The following DPYSL5 variants were observed in gnomAD, a reference collection of about 807,000 sequenced individuals.
The protein encoded by DPYSL5 is dihydropyrimidinase-related protein 5.
Under a neutral mutation model 58.4 loss-of-function variants are expected in DPYSL5, and 9 were observed. The ratio of observed to expected loss-of-function variants is 0.15; its 90% CI spans 0.09 to 0.27. The LOEUF (loss-of-function observed/expected upper bound fraction) is 0.27, where lower values mean the gene tolerates loss of function less well. Ranked by LOEUF, DPYSL5 falls within the 10% of genes least tolerant of loss-of-function variation. The probability of loss-of-function intolerance (pLI) is 1.00; values close to 1 mark genes in which losing one functional copy is unlikely to be tolerated. For missense variants in DPYSL5, 499 were observed against 770.6 expected, an observed-to-expected ratio of 0.65 and a Z score of 4.17; for synonymous variants, 293 against 301.9, an observed-to-expected ratio of 0.97 and a Z score of 0.31.
intron 2 of DPYSL5, among the ~76,000 whole-genome samples, chr2:26,913,855 C>T (rs778852951): frequency 1.1e-4 from 17 of 151,264 alleles, no homozygotes; most frequent in Admixed American, 1.1e-3. Flanking sequence ...GAAATGTCTT[C>T]AGCATGGAAA....
rs1345932267 is a variant in DPYSL5, at chr2:26,942,458, G to A, written c.1233-85G>A. 6.8e-7 allele frequency: 1 copy of A among 1,460,606 alleles called. No homozygotes were observed. Among genetic ancestry groups the A allele is most frequent in the African/African-American group, 1.4e-5 (1 of 71,446 alleles). The allele number at this position is 1,460,606 out of a possible 1,614,324, so 90.5% of individuals were successfully genotyped here. A position where few individuals can be genotyped will look rare whatever the true frequency, so the allele number is the denominator to read the frequency against. ...GAGCCAATTCAACCCATAACAACCA[G>A]CCTTTGGGGCTCACCCCTCCCATGG... On this transcript the variant is annotated intron_variant, in intron 10 of 12. Transcript: ENST00000288699. The surrounding 1 kb of genome is among the most constrained non-coding windows in gnomAD (Gnocchi z 5.9).
At chr2:26,919,547 A>C (rs904195856) in intron 2 of DPYSL5, among the ~76,000 whole-genome samples, 1 of 152,250 alleles carries the variant, frequency 6.6e-6, no homozygotes, top group Non-Finnish European at 1.5e-5. Context: ...CTGTTAATTT[A>C]ATAGTGAGAG....
At chr2:26,868,364 TG>T (rs1663165816) in intron 1 of DPYSL5, among the ~76,000 whole-genome samples, 1 of 152,216 alleles carries the variant, frequency 6.6e-6, no homozygotes, top group Non-Finnish European at 1.5e-5. Context: ...TGTCTTTGTG[TG>T]TGTGTGTGGC....
chr2:26,885,675 GAC>G (rs1377242768), intron 1 of DPYSL5, among the ~76,000 whole-genome samples: 1 of 152,192 alleles, frequency 6.6e-6, no homozygotes, highest in African/African-American at 2.4e-5. Context: ...ATTAGACAGA[GAC>G]TCTCTCTAGC....
chr2:26,887,905 G>C (rs1034033886), intron 1 of DPYSL5, among the ~76,000 whole-genome samples: 2 of 152,204 alleles, frequency 1.3e-5, no homozygotes, highest in African/African-American at 4.8e-5. Flanking sequence ...TCTTGGAGGA[G>C]ACAAGCTGTG....
Position 26,944,907 on chromosome 2 carries a change from C to A in DPYSL5, c.1609+83C>A. 1 of 1,359,818 alleles carries A rather than the reference C, an allele frequency of 7.4e-7. No individual in the cohort carries two copies. Among genetic ancestry groups the A allele is most frequent in the East Asian group, 2.3e-5 (1 of 43,482 alleles). 84.2% of individuals were successfully genotyped at this position (1,359,818 alleles called of 1,614,324 possible). A position where few individuals can be genotyped will look rare whatever the true frequency, so the allele number is the denominator to read the frequency against. ...GGCAGTGGGACTTACGCCTGCTTTT[C>A]TTTTGTGTCCTCTCCTCCCTCCCGT... On this transcript the variant is annotated intron_variant, in intron 12 of 12. Coordinates refer to ENST00000288699, the MANE Select transcript of DPYSL5 (RefSeq NM_020134.4). This position sits in a 1 kb window ranked among gnomAD's most constrained non-coding sequence, Gnocchi z 4.4.
At chr2:26,904,867 G>A (rs981053282) in intron 2 of DPYSL5, among the ~76,000 whole-genome samples, 1 of 152,190 alleles carries the variant, frequency 6.6e-6, no homozygotes, top group Non-Finnish European at 1.5e-5. Flanking sequence ...TTGCACCACT[G>A]CACCCCAGCC....
At chr2:26,859,088 A>G (rs915521153) in intron 1 of DPYSL5, among the ~76,000 whole-genome samples, 2 of 152,150 alleles carry the variant, frequency 1.3e-5, no homozygotes, top group East Asian at 1.9e-4. Context: ...CCATGTCTCT[A>G]TCTAATTTAC....
intron 1 of DPYSL5, among the ~76,000 whole-genome samples, chr2:26,881,972 T>C (rs1663576179): frequency 6.6e-6 from 1 of 151,264 alleles, no homozygotes; most frequent in African/African-American, 2.4e-5. Flanking sequence ...GCACCTGCAG[T>C]CTCAGCTACT....
At chr2:26,893,542 T>C (rs974266466) in intron 1 of DPYSL5, among the ~76,000 whole-genome samples, 1 of 152,218 alleles carries the variant, frequency 6.6e-6, no homozygotes, top group African/African-American at 2.4e-5. Flanking sequence ...AAAATATCCC[T>C]GAAAACAAAC....
intron 5 of DPYSL5, among the ~76,000 whole-genome samples, chr2:26,929,522 G>A (rs947975299): frequency 2.7e-4 from 41 of 152,248 alleles, no homozygotes; most frequent in African/African-American, 9.6e-4. Context: ...GTGAGCCACC[G>A]TGCCCAGTCC....
chr2:26,893,708 G>T (rs1396095760), intron 1 of DPYSL5, among the ~76,000 whole-genome samples: 1 of 152,132 alleles, frequency 6.6e-6, no homozygotes, highest in Non-Finnish European at 1.5e-5. Context: ...TGACTGATAG[G>T]ACTGTCTTTG....
At chr2:26,895,554 A>C (rs1399645505) in intron 1 of DPYSL5, among the ~76,000 whole-genome samples, 1 of 152,122 alleles carries the variant, frequency 6.6e-6, no homozygotes, top group Non-Finnish European at 1.5e-5. Context: ...TAATAGATGA[A>C]TTACCTCATA....
chr2:26,925,946 C>G lies in DPYSL5; in HGVS notation c.420+901C>G, dbSNP rs1341507516. Among the ~76,000 whole-genome samples the G allele has an allele frequency of 2.0e-5, 3 of 152,108 alleles. No homozygotes were observed. The highest frequency in any genetic ancestry group is 4.8e-5 in the African/African-American group (2 of 41,410). On this transcript the variant is annotated intron_variant, in intron 3 of 12. Transcript: ENST00000288699. This position sits in a 1 kb window ranked among gnomAD's most constrained non-coding sequence, Gnocchi z 4.5. ...TGCCTCTTCATTTTCCGTCAAAAAC[C>G]CACTTGTAACTGCTGCTAATCAGAG...
chr2:26,899,551 C>G (rs1664102068), intron 2 of DPYSL5, among the ~76,000 whole-genome samples: 1 of 152,134 alleles, frequency 6.6e-6, no homozygotes, highest in Non-Finnish European at 1.5e-5. Context: ...CTCTGCTTTC[C>G]CAGAGCCTGG....
chr2:26,931,813 G>A (rs1159634658), intron 6 of DPYSL5, 129 bp downstream of exon 6: 3 of 945,138 alleles, frequency 3.2e-6, no homozygotes, highest in Non-Finnish European at 3.3e-6. Context: ...TTTGAGACCA[G>A]CCTGGCCAAC....
chr2:26,853,235 G>A (rs569218734), intron 1 of DPYSL5, among the ~76,000 whole-genome samples: 2 of 152,324 alleles, frequency 1.3e-5, no homozygotes, highest in East Asian at 3.9e-4. Flanking sequence ...CGTGGCTGGT[G>A]AGGAGCTGTT....
chr2:26,906,508 A>G (rs1295387748), intron 2 of DPYSL5, among the ~76,000 whole-genome samples: 1 of 152,046 alleles, frequency 6.6e-6, no homozygotes, highest in Non-Finnish European at 1.5e-5. Flanking sequence ...AGCTCACCTG[A>G]TTAGCCCAGA....
Position 26,942,588 on chromosome 2 carries a change from G to C in DPYSL5, c.1278G>C (p.Leu426=). The change falls in exon 11 of 13, where the codon CTG becomes CTC. Residue 426 remains leucine, a synonymous_variant. Transcript: ENST00000288699. The surrounding 1 kb of genome is among the most constrained non-coding windows in gnomAD (Gnocchi z 5.9). ...STQVQGGDFN[L]YENMRCHGVP... is the part of the protein sequence containing the mutation. ...AGGTCCAGGGAGGAGACTTCAACCT[G>C]TATGAGAACATGCGCTGCCACGGCG... 6.2e-7 allele frequency: 1 copy of C among 1,614,144 alleles called. No individual in the cohort carries two copies.
Sources: gnomAD v4.1 joint callset for allele counts (sites outside exome capture counted in the v4.1 genomes callset) on GRCh38, gnomAD v4.1.1 for gene constraint, Gnocchi (gnomAD v3.1) non-coding constraint, MANE v1.5 for transcripts, NCBI Gene and HGNC (gene_info 2026-07-23, HGNC 2026-07-21) for gene names.